The following MAP4K4 variants were observed in gnomAD, a reference collection of about 807,000 sequenced individuals.
MAP4K4 encodes the protein mitogen-activated protein kinase kinase kinase kinase 4.
A neutral mutation model predicts 189.6 loss-of-function variants in MAP4K4; 38 were observed. The ratio of observed to expected loss-of-function variants is 0.20; its 90% CI spans 0.15 to 0.26. MAP4K4 has a LOEUF of 0.26. Among genes scored for constraint, MAP4K4 ranks in the 10% least tolerant of loss-of-function variants. The probability of loss-of-function intolerance (pLI) is 1.00; values close to 1 mark genes in which losing one functional copy is unlikely to be tolerated. For synonymous variants in MAP4K4, 610 were observed against 624.3 expected (o/e 0.98, Z 0.34); for missense variants, 1,054 against 1,726.9 (o/e 0.61, Z 6.91).
chr2:101,864,174 A>G (rs1464249118), intron 17 of MAP4K4, 123 bp downstream of exon 17: 6 of 433,724 alleles, frequency 1.4e-5, no homozygotes, highest in Admixed American at 1.2e-4. Context: ...GAAATTTCAA[A>G]GGGACTTTTT....
chr2:101,848,513 A>T (rs2097179939), intron 12 of MAP4K4, among the ~76,000 whole-genome samples: 2 of 152,216 alleles, frequency 1.3e-5, no homozygotes, highest in South Asian at 4.1e-4. Context: ...CTGAAAGGAG[A>T]TAACTGTTAT....
At chr2:101,732,500 C>T (rs2058892853) in intron 2 of MAP4K4, among the ~76,000 whole-genome samples, 2 of 152,190 alleles carry the variant, frequency 1.3e-5, no homozygotes, top group South Asian at 4.1e-4. Context: ...TGCATTTCCC[C>T]TCTTCTGTGC....
intron 16 of MAP4K4, among the ~76,000 whole-genome samples, chr2:101,862,802 C>G (rs1300293642): frequency 6.6e-6 from 1 of 152,144 alleles, no homozygotes; most frequent in African/African-American, 2.4e-5. Context: ...ATACCAATAT[C>G]TGGTATTATA....
intron 16 of MAP4K4, 54 bp downstream of exon 16, chr2:101,861,040 A>C: frequency 6.7e-7 from 1 of 1,495,974 alleles, no homozygotes; most frequent in Non-Finnish European, 9.0e-7. Flanking sequence ...CGGCTCGCTG[A>C]GCCGCAGGCC....
At chr2:101,742,187 A>C (rs1489460122) in intron 2 of MAP4K4, among the ~76,000 whole-genome samples, 1 of 152,150 alleles carries the variant, frequency 6.6e-6, no homozygotes, top group East Asian at 1.9e-4. Context: ...AGCCTGACTC[A>C]GGAGGCAGAG....
At chr2:101,712,340 G>A (rs1303915367) in intron 2 of MAP4K4, among the ~76,000 whole-genome samples, 2 of 151,846 alleles carry the variant, frequency 1.3e-5, no homozygotes, top group Middle Eastern at 3.4e-3. Context: ...GACTACAGGC[G>A]CAGGCCACCA....
chr2:101,797,206 A>C (rs1454562539), intron 3 of MAP4K4: 5 of 1,279,502 alleles, frequency 3.9e-6, no homozygotes, highest in Non-Finnish European at 4.1e-6. Flanking sequence ...GGAAGGAGAG[A>C]TCTCTGTGGC....
intron 3 of MAP4K4, among the ~76,000 whole-genome samples, chr2:101,807,826 T>A (rs1311877367): frequency 6.6e-6 from 1 of 152,180 alleles, no homozygotes; most frequent in Non-Finnish European, 1.5e-5. Context: ...TGCACACTTC[T>A]AAACAACCAG....
chr2:101,834,559 G>T, intron 8 of MAP4K4, 96 bp downstream of exon 8: 1 of 938,138 alleles, frequency 1.1e-6, no homozygotes, highest in East Asian at 2.6e-5. Flanking sequence ...ATGGATAAAG[G>T]CATTTCTGGT....
rs943324734 is a variant in MAP4K4 at position 101,762,191 on chromosome 2, A to G, written c.124-28529A>G. 2.0e-5 allele frequency among the ~76,000 whole-genome samples: 3 copies of G among 152,234 alleles called. 1 individual carries two copies. The highest frequency in any genetic ancestry group is 1.9e-4 in the East Asian group (1 of 5,196). ...TGTGATCTTGGTGATGACCTCTGGCATCAGAAATTGTGTATCCCACATTTA... is the reference window on the plus strand; with the variant it reads ...TGTGATCTTGGTGATGACCTCTGGCGTCAGAAATTGTGTATCCCACATTTA... On this transcript the variant is annotated intron_variant, in intron 2 of 32. Transcript: ENST00000324219.
At chr2:101,867,586 G>A (rs2097853701) in intron 20 of MAP4K4, 1 of 378,566 alleles carries the variant, frequency 2.6e-6, no homozygotes, top group Non-Finnish European at 4.8e-6. Context: ...GCAGAACAAA[G>A]TATAGTTCTT....
intron 2 of MAP4K4, among the ~76,000 whole-genome samples, chr2:101,728,786 T>C (rs970354569): frequency 3.3e-5 from 5 of 152,252 alleles, no homozygotes; most frequent in Admixed American, 2.0e-4. Context: ...CCCAAAGTGC[T>C]GGGATTACAG....
At chr2:101,854,140 G>A (rs577921821) in intron 12 of MAP4K4, among the ~76,000 whole-genome samples, 6 of 152,248 alleles carry the variant, frequency 3.9e-5, no homozygotes, top group Admixed American at 3.3e-4. Context: ...CTGGAAAACA[G>A]TCAGTCTCCA....
intron 12 of MAP4K4, among the ~76,000 whole-genome samples, chr2:101,849,836 G>C (rs1317449657): frequency 3.3e-5 from 5 of 151,868 alleles, no homozygotes; most frequent in African/African-American, 1.2e-4. Flanking sequence ...TTTGAGATCA[G>C]CTTGGGAATA....
At chr2:101,712,825 G>A (rs2046348173) in intron 2 of MAP4K4, among the ~76,000 whole-genome samples, 2 of 150,642 alleles carry the variant, frequency 1.3e-5, no homozygotes, top group Admixed American at 6.6e-5. Flanking sequence ...GAATATCAAA[G>A]ATCCTGGCCT....
At chr2:101,754,310 T>C (rs1284819927) in intron 2 of MAP4K4, among the ~76,000 whole-genome samples, 5 of 151,668 alleles carry the variant, frequency 3.3e-5, no homozygotes, top group African/African-American at 1.2e-4. Flanking sequence ...CACGGTATAT[T>C]AGAGGCTTTG....
chr2:101,824,056 A>T lies in MAP4K4; in HGVS notation c.306+3A>T. On this transcript the variant is annotated splice_donor_region_variant and intron_variant, in intron 4 of 32. Transcript: ENST00000324219. ...CAGGACATGATGACCAACTCTGGGT[A>T]GGTGGATGTTTCCTGAGCATTTGTG... is the stretch of plus-strand genomic sequence containing the variant. 1 of 1,338,226 alleles carries T rather than the reference A, an allele frequency of 7.5e-7. No individual in the cohort carries two copies. Among genetic ancestry groups the T allele is most frequent in the Non-Finnish European group, 9.8e-7 (1 of 1,020,736 alleles). The allele number at this position is 1,338,226 out of a possible 1,614,324, so 82.9% of individuals were successfully genotyped here.
At chr2:101,771,775 A>G (rs2081572125) in intron 2 of MAP4K4, among the ~76,000 whole-genome samples, 1 of 152,224 alleles carries the variant, frequency 6.6e-6, no homozygotes, top group Non-Finnish European at 1.5e-5. Context: ...GTGCTCCAGG[A>G]TGGACACATC....
Position 101,860,824 on chromosome 2 carries a change from G to A in MAP4K4, c.1705-1G>A. On this transcript the variant is annotated splice_acceptor_variant, in intron 15 of 32. Transcript: ENST00000324219. LOFTEE classifies it high-confidence loss of function. ...TTATGTCTTCTAATTCTCTGATGCA[G>A]GTGGAAGATAGATTTAGGAAAACTA... The A allele has an allele frequency of 6.2e-7, 1 of 1,604,310 alleles. No homozygotes were observed. Among genetic ancestry groups the A allele is most frequent in the Non-Finnish European group, 8.5e-7 (1 of 1,175,216 alleles).
Sources: gnomAD v4.1 joint callset for allele counts (sites outside exome capture counted in the v4.1 genomes callset) on GRCh38, gnomAD v4.1.1 for gene constraint, MANE v1.5 for transcripts, NCBI Gene and HGNC (gene_info 2026-07-23, HGNC 2026-07-21) for gene names.